Variants in ETS1 observed in about 807,000 individuals in gnomAD.
The protein encoded by ETS1 is ETS proto-oncogene 1, transcription factor.
Under a neutral mutation model 58.6 loss-of-function variants are expected in ETS1, and 15 were observed. The observed-to-expected ratio is 0.26, with a 90% confidence interval of 0.17 to 0.39. ETS1 has a LOEUF of 0.39. Among genes scored for constraint, ETS1 ranks in the 10% least tolerant of loss-of-function variants. The pLI is 1.00. For synonymous variants in ETS1, 214 were observed against 218.2 expected, an observed-to-expected ratio of 0.98 and a Z score of 0.17; for missense variants, 417 against 610.5, an observed-to-expected ratio of 0.68 and a Z score of 3.34.
At chr11:128,472,439 C>T (rs572251117) in intron 8 of ETS1, among the ~76,000 whole-genome samples, 7 of 152,192 alleles carry the variant, frequency 4.6e-5, no homozygotes, top group Non-Finnish European at 7.3e-5. Context: ...AAGCCCATCA[C>T]GGACTACTGA....
intron 3 of ETS1, among the ~76,000 whole-genome samples, chr11:128,513,174 T>A (rs937276764): frequency 6.6e-6 from 1 of 152,224 alleles, no homozygotes; most frequent in Non-Finnish European, 1.5e-5. Context: ...AATTCCTCAA[T>A]GATTAAGTTG....
At chr11:128,556,478 C>A (rs1285381573) in intron 2 of ETS1, 43 bp from the exon 3 acceptor site, 27 of 1,419,294 alleles carry the variant, frequency 1.9e-5, no homozygotes, top group Non-Finnish European at 2.5e-5. Flanking sequence ...GGAGGAAAAT[C>A]TCTGTTGTTT....
At chr11:128,475,758 A>C (rs968511890) in intron 8 of ETS1, among the ~76,000 whole-genome samples, 2 of 151,968 alleles carry the variant, frequency 1.3e-5, no homozygotes, top group Non-Finnish European at 2.9e-5. Context: ...TCACTGTGTT[A>C]GCCAGGATGG....
chr11:128,501,902 C>T (rs1565384333), intron 3 of ETS1, among the ~76,000 whole-genome samples: 1 of 152,094 alleles, frequency 6.6e-6, no homozygotes, highest in Non-Finnish European at 1.5e-5. Flanking sequence ...CCTCGAGTTT[C>T]TAAGCATCTG....
chr11:128,525,934 A>G (rs924316050), intron 3 of ETS1, among the ~76,000 whole-genome samples: 1 of 152,208 alleles, frequency 6.6e-6, no homozygotes, highest in African/African-American at 2.4e-5. Context: ...GGGTCAGTTA[A>G]GGGACCCAAG....
At chr11:128,550,253 CA>C (rs938839699) in intron 3 of ETS1, among the ~76,000 whole-genome samples, 12 of 152,168 alleles carry the variant, frequency 7.9e-5, no homozygotes, top group Non-Finnish European at 1.6e-4. Flanking sequence ...CAATTATACT[CA>C]AAATGTATAC....
At chr11:128,559,746 T>C (rs1161684738) in intron 2 of ETS1, among the ~76,000 whole-genome samples, 1 of 152,192 alleles carries the variant, frequency 6.6e-6, no homozygotes, top group Non-Finnish European at 1.5e-5. Context: ...AAATGATATT[T>C]TTACTCAAGA....
rs1435307685 is a variant in ETS1 at position 128,585,189 on chromosome 11, GGAAGGAAAGAAA to G, written c.-15+2287_-15+2298del. ...GAAAGAGAAAGAAAGAAAGAAAGAA[GGAAGGAAAGAAA>G]GAAAGAAAGAAAGAAAGAAAGAAAG... On this transcript the variant is annotated intron_variant, in intron 1 of 9. Coordinates refer to ENST00000392668, the MANE Select transcript of ETS1 (RefSeq NM_001143820.2). Among the ~76,000 whole-genome samples, 114 of 12,202 alleles carry G rather than the reference GGAAGGAAAGAAA, an allele frequency of 9.3e-3. 12 individuals carry two copies. Among genetic ancestry groups the G allele is most frequent in the African/African-American group, 0.034 (84 of 2,468 alleles). 8.0% of individuals were successfully genotyped at this position (12,202 alleles called of 152,430 possible).
At chr11:128,527,201 A>G in intron 3 of ETS1, 1 of 308,058 alleles carries the variant, frequency 3.2e-6, no homozygotes. Flanking sequence ...TGTGGGAGAC[A>G]GCTTGGCATG....
chr11:128,542,895 C>T (rs1864076608), intron 3 of ETS1, among the ~76,000 whole-genome samples: 1 of 152,062 alleles, frequency 6.6e-6, no homozygotes, highest in Non-Finnish European at 1.5e-5. Flanking sequence ...TCTTTAGGCC[C>T]AGCGTGGTGG....
intron 3 of ETS1, among the ~76,000 whole-genome samples, chr11:128,510,052 A>G (rs760926936): frequency 5.9e-5 from 9 of 152,208 alleles, no homozygotes; most frequent in Non-Finnish European, 8.8e-5. Context: ...AGTTTTGAAG[A>G]ATGTTTGGTT....
chr11:128,559,182 G>C (rs565118452), intron 2 of ETS1, among the ~76,000 whole-genome samples: 2 of 152,274 alleles, frequency 1.3e-5, no homozygotes, highest in East Asian at 3.9e-4. Flanking sequence ...ACCTGAATTC[G>C]GATTTAAAAG....
At chr11:128,558,370 C>T (rs947719239) in intron 2 of ETS1, among the ~76,000 whole-genome samples, 5 of 152,270 alleles carry the variant, frequency 3.3e-5, no homozygotes, top group Admixed American at 1.3e-4. Context: ...CCTGGCCGGG[C>T]GCGGTGGCTC....
Position 128,484,791 on chromosome 11 carries a change from C to T in ETS1, c.862+32G>A, listed in dbSNP as rs764880706. The T allele has an allele frequency of 5.7e-6, 9 of 1,591,340 alleles. No individual in the cohort carries two copies. In the East Asian group the frequency reaches 1.6e-4, roughly 28 times the overall value. On this transcript the variant is annotated intron_variant, in intron 7 of 9. Transcript: ENST00000392668. ...ACAAAGTCAGGTAATTCTTGTAAAC[C>T]CAAGAGCTTTTAGAGAAGAAATATG... is the stretch of plus-strand genomic sequence containing the variant.
At chr11:128,546,871 G>T (rs1277448101) in intron 3 of ETS1, among the ~76,000 whole-genome samples, 1 of 152,104 alleles carries the variant, frequency 6.6e-6, no homozygotes, top group African/African-American at 2.4e-5. Flanking sequence ...GCCATGAGAC[G>T]CAGATCATAG....
chr11:128,535,720 T>C (rs961703670), intron 3 of ETS1, among the ~76,000 whole-genome samples: 2 of 152,212 alleles, frequency 1.3e-5, no homozygotes, highest in Non-Finnish European at 1.5e-5. Flanking sequence ...CTATGCATGA[T>C]GACATTTAGG....
intron 3 of ETS1, among the ~76,000 whole-genome samples, chr11:128,538,756 AC>A (rs1864009974): frequency 4.5e-5 from 1 of 22,196 alleles, no homozygotes; most frequent in South Asian, 4.5e-3. Flanking sequence ...ATACACACAT[AC>A]ACACACACAC....
intron 2 of ETS1, 55 bp downstream of exon 2, chr11:128,573,007 G>T (rs1247526792): frequency 7.1e-7 from 1 of 1,409,322 alleles, no homozygotes; most frequent in Non-Finnish European, 9.9e-7. Flanking sequence ...GGAAGCACAA[G>T]GAGGAGGGGA....
rs1861834928 is a variant in ETS1 at position 128,458,902 on chromosome 11, C to A, written c.*3459G>T. On this transcript the variant is annotated 3_prime_UTR_variant, in exon 10 of 10. Coordinates refer to ENST00000392668, the MANE Select transcript of ETS1 (RefSeq NM_001143820.2). The surrounding 1 kb of genome is among the most constrained non-coding windows in gnomAD (Gnocchi z 4.3). ...AAAATAAACAAACAAAAAACTCCGC[C>A]ATAAGAATTTTTTTGCATTTTTTTT... The A allele has an allele frequency of 6.6e-6, 1 of 152,534 alleles. No individual in the cohort carries two copies. 9.4% of individuals were successfully genotyped at this position (152,534 alleles called of 1,614,324 possible).
Sources: allele counts gnomAD v4.1 joint callset (sites outside exome capture counted in the v4.1 genomes callset), GRCh38; gene constraint gnomAD v4.1.1; non-coding constraint Gnocchi (gnomAD v3.1); transcripts MANE v1.5; gene names NCBI Gene and HGNC (gene_info 2026-07-23, HGNC 2026-07-21).